Variants in FAR1 observed in about 807,000 individuals in gnomAD.
FAR1 encodes fatty acyl-CoA reductase 1, also known as male sterility domain-containing protein 2.
FAR1 carries 22 observed loss-of-function variants against 61.1 expected under a neutral mutation model. The observed-to-expected ratio is 0.36, with a 90% CI of 0.26 to 0.51. The LOEUF is 0.51. Among genes scored for constraint, FAR1 ranks in the 20% least tolerant of loss-of-function variants. The pLI, the probability that FAR1 is intolerant of heterozygous loss-of-function variation, is 0.95. For missense variants in FAR1, 359 were observed against 626.9 expected, an observed-to-expected ratio of 0.57 and a Z score of 4.56; for synonymous variants, 206 against 209.7, an observed-to-expected ratio of 0.98 and a Z score of 0.15.
chr11:13,710,709 C>A lies in FAR1; in HGVS notation c.562C>A (p.Leu188Ile). The A allele has an allele frequency of 6.3e-7, 1 of 1,589,678 alleles. No individual in the cohort carries two copies. Among genetic ancestry groups the A allele is most frequent in the Non-Finnish European group, 8.5e-7 (1 of 1,172,734 alleles). ...IDSLEWMDDGLVNDITPKLIG... is the reference protein window; with the variant it reads ...IDSLEWMDDGIVNDITPKLIG... ...CTTTACCAGGTGGATGGATGATGGC[C>A]TAGTAAATGATATCACGCCAAAATT... Residue 188 changes from leucine to isoleucine, a missense_variant, in exon 5 of 12, where the codon CTA becomes ATA. Around this residue, in one of 2 missense-constraint regions of FAR1, gnomAD observed 344 missense variants for 570.3 expected, o/e 0.60. Coordinates refer to ENST00000354817, the MANE Select transcript of FAR1 (RefSeq NM_032228.6).
chr11:13,704,056 A>AG (rs1401993317), intron 3 of FAR1, among the ~76,000 whole-genome samples: 2 of 152,010 alleles, frequency 1.3e-5, no homozygotes, highest in East Asian at 3.9e-4. Context: ...AAAAAAAAAA[A>AG]AAAAAAAAGT....
intron 11 of FAR1, among the ~76,000 whole-genome samples, chr11:13,727,968 C>A (rs1448828388): frequency 6.6e-6 from 1 of 151,766 alleles, no homozygotes; most frequent in African/African-American, 2.4e-5. Context: ...TTTGCCTAAG[C>A]CATATTGTAT....
At chr11:13,703,654 A>G (rs1848400698) in intron 3 of FAR1, among the ~76,000 whole-genome samples, 1 of 152,238 alleles carries the variant, frequency 6.6e-6, no homozygotes, top group Admixed American at 6.5e-5. Context: ...AAGAGAAGGT[A>G]GATAGAGCTC....
intron 1 of FAR1, among the ~76,000 whole-genome samples, chr11:13,679,684 T>A (rs1848104247): frequency 6.6e-6 from 1 of 152,246 alleles, no homozygotes; most frequent in Non-Finnish European, 1.5e-5. Flanking sequence ...GCTACAAAAC[T>A]GACATTTCCT....
At chr11:13,672,545 A>C (rs1360373946) in intron 1 of FAR1, among the ~76,000 whole-genome samples, 2 of 68,146 alleles carry the variant, frequency 2.9e-5, no homozygotes, top group East Asian at 4.7e-4. Context: ...ACCCTGTCTC[A>C]AAAAAAAAAA....
chr11:13,695,616 A>AAT (rs1848299870), intron 2 of FAR1, among the ~76,000 whole-genome samples: 1 of 152,186 alleles, frequency 6.6e-6, no homozygotes, highest in South Asian at 2.1e-4. Context: ...ACACATAAGG[A>AAT]ATCTGACTGC....
intron 1 of FAR1, among the ~76,000 whole-genome samples, chr11:13,674,308 C>CAA (rs375685986): frequency 2.9e-5 from 2 of 69,358 alleles, no homozygotes; most frequent in African/African-American, 1.1e-4. Flanking sequence ...GACTCCGTCT[C>CAA]AAAAAAAAAA....
Position 13,707,921 on chromosome 11 carries a change from G to T in FAR1, c.387G>T (p.Val129=), listed in dbSNP as rs1435645264. The T allele has an allele frequency of 3.2e-6, 5 of 1,582,670 alleles. No homozygotes were observed. The highest frequency in any genetic ancestry group is 1.4e-5 in the African/African-American group (1 of 73,332). ...ACAGAGATGCTGTTCAGTTAAATGT[G>T]ATTGCAACGCGACAGCTTATTCTCC... ...ENLRDAVQLN[V]IATRQLILLA... Residue 129 remains valine, a synonymous_variant, in exon 4 of 12, where the codon GTG becomes GTT. Coordinates refer to ENST00000354817, the MANE Select transcript of FAR1 (RefSeq NM_032228.6).
In FAR1 at chr11:13,697,321, G is replaced by A. The variant is rs577512261; in HGVS notation, c.189+2367G>A. 1.7e-3 allele frequency among the ~76,000 whole-genome samples: 256 copies of A among 152,174 alleles called. 1 individual carries two copies. The highest frequency in any genetic ancestry group is 5.9e-3 in the African/African-American group (244 of 41,514). ...ACTAAAAAATACAAAAATTAGCCGG[G>A]CGTGGTGGTGCATGCCTGTGGTCCC... On this transcript the variant is annotated intron_variant, in intron 2 of 11. Transcript: ENST00000354817.
At chr11:13,714,704 A>C (rs1339159173) in intron 9 of FAR1, 24 bp downstream of exon 9, 2 of 1,582,698 alleles carry the variant, frequency 1.3e-6, no homozygotes, top group South Asian at 2.3e-5. Flanking sequence ...GCTCTGTCTT[A>C]TCTGTTCCTC....
intron 5 of FAR1, among the ~76,000 whole-genome samples, chr11:13,711,557 A>G (rs556525772): frequency 1.3e-5 from 2 of 152,224 alleles, no homozygotes; most frequent in South Asian, 4.1e-4. Flanking sequence ...GCCCTTTGAA[A>G]ATGATTTTAC....
chr11:13,717,211 G>C (rs1459962712), intron 9 of FAR1, among the ~76,000 whole-genome samples: 1 of 151,858 alleles, frequency 6.6e-6, no homozygotes, highest in African/African-American at 2.4e-5. Flanking sequence ...TGGAAGCCAG[G>C]GTTTTGTCAT....
chr11:13,700,881 G>C (rs1477033767), intron 3 of FAR1, among the ~76,000 whole-genome samples: 1 of 151,988 alleles, frequency 6.6e-6, no homozygotes, highest in East Asian at 1.9e-4. Flanking sequence ...ATTAGGCTCA[G>C]GTTTTACAGG....
chr11:13,709,351 TC>T (rs66752934), intron 4 of FAR1, among the ~76,000 whole-genome samples: 6,838 of 152,290 alleles, frequency 0.045, 223 homozygotes, highest in Middle Eastern at 0.13. Context: ...TACTTCATTT[TC>T]TTCATAGATC....
chr11:13,725,710 T>G (rs1023222284), intron 10 of FAR1, among the ~76,000 whole-genome samples: 2 of 152,168 alleles, frequency 1.3e-5, no homozygotes, highest in Non-Finnish European at 2.9e-5. Context: ...TCTTTTATTT[T>G]CAGTCATTTT....
In FAR1 at chr11:13,721,700, A is replaced by T. The variant is rs973997993; in HGVS notation, c.1128-30A>T. The T allele has an allele frequency of 6.2e-7, 1 of 1,601,798 alleles. No homozygotes were observed. The highest frequency in any genetic ancestry group is 1.3e-5 in the African/African-American group (1 of 74,662). Reference sequence around the variant, plus strand: ...GGATTTTTCCTAATCTATACAAAATATGAATCTGTCCATTTTTCTTACAAT... The same window carrying T: ...GGATTTTTCCTAATCTATACAAAATTTGAATCTGTCCATTTTTCTTACAAT... On this transcript the variant is annotated intron_variant, in intron 9 of 11. Coordinates refer to ENST00000354817, the MANE Select transcript of FAR1 (RefSeq NM_032228.6). The surrounding 1 kb of genome is among the most constrained non-coding windows in gnomAD (Gnocchi z 4.2).
At chr11:13,724,412 T>C (rs1311973418) in intron 10 of FAR1, among the ~76,000 whole-genome samples, 4 of 151,386 alleles carry the variant, frequency 2.6e-5, no homozygotes, top group Non-Finnish European at 5.9e-5. Flanking sequence ...TAGCCAGGCG[T>C]GGTGGCGCAT....
intron 9 of FAR1, among the ~76,000 whole-genome samples, chr11:13,718,862 A>ATC (rs902630301): frequency 1.3e-5 from 2 of 151,902 alleles, no homozygotes; most frequent in African/African-American, 4.8e-5. Context: ...GTGGCTGGGC[A>ATC]TCTCTCTCTC....
intron 7 of FAR1, 65 bp downstream of exon 7, chr11:13,712,111 G>C: frequency 8.9e-7 from 1 of 1,122,012 alleles, no homozygotes; most frequent in Non-Finnish European, 1.4e-6. Flanking sequence ...CATAGCTTTT[G>C]AGTAATGTTA....
Sources: allele counts gnomAD v4.1 joint callset (sites outside exome capture counted in the v4.1 genomes callset), GRCh38; gene constraint gnomAD v4.1.1; regional missense constraint gnomAD v4.1.1; non-coding constraint Gnocchi (gnomAD v3.1); transcripts MANE v1.5; gene names NCBI Gene and HGNC (gene_info 2026-07-23, HGNC 2026-07-21).